Variants in TENM3 observed in about 807,000 individuals in gnomAD.
TENM3 encodes the protein teneurin transmembrane protein 3, also known as teneurin-3.
A neutral mutation model predicts 255.1 loss-of-function variants in TENM3; 63 were observed. That is an observed-to-expected ratio of 0.25 (90% confidence interval 0.20 to 0.30). The LOEUF is 0.30. Among genes scored for constraint, TENM3 ranks in the 10% least tolerant of loss-of-function variants. The probability of loss-of-function intolerance (pLI) is 1.00; values close to 1 mark genes in which losing one functional copy is unlikely to be tolerated. For missense variants in TENM3, 2,929 were observed against 3,461.1 expected, an observed-to-expected ratio of 0.85 and a Z score of 3.86; for synonymous variants, 1,306 against 1,322.3, an observed-to-expected ratio of 0.99 and a Z score of 0.27.
chr4:181,765,878 C>T, the TENM3 span, among the ~76,000 whole-genome samples: 1 of 152,142 alleles, frequency 6.6e-6, no homozygotes, highest in African/African-American at 2.4e-5. Context: ...GGAAGAGGCA[C>T]TAGTGTAATT....
rs1263644463 is a variant in TENM3 at position 182,674,138 on chromosome 4, A to ATTT, written c.1326+919_1326+920insTTT. ...GGATGAGCCTAAAGTTATATTCAAT[A>ATTT]ATCAGTTTATTTACCTAGAGAATTT... On this transcript the variant is annotated intron_variant, in intron 7 of 27. Transcript: ENST00000511685. Among the ~76,000 whole-genome samples the ATTT allele has an allele frequency of 5.9e-5, 9 of 152,318 alleles. No individual in the cohort carries two copies. The South Asian group carries it at 1.7e-3, about 28-fold the overall frequency.
At chr4:182,576,672 C>T (rs1481685133) in intron 3 of TENM3, among the ~76,000 whole-genome samples, 1 of 152,144 alleles carries the variant, frequency 6.6e-6, no homozygotes, top group Admixed American at 6.5e-5. Flanking sequence ...GAATCTGGCC[C>T]TGCATGTTTA....
intron 2 of TENM3, among the ~76,000 whole-genome samples, chr4:182,330,163 C>G (rs902725004): frequency 2.0e-5 from 3 of 152,062 alleles, no homozygotes; most frequent in Non-Finnish European, 4.4e-5. Context: ...ATGACTAAGG[C>G]CCCTATAACA....
chr4:181,477,830 G>T, the TENM3 span, among the ~76,000 whole-genome samples: 1 of 152,064 alleles, frequency 6.6e-6, no homozygotes, highest in African/African-American at 2.4e-5. Context: ...TCTGAATCAC[G>T]TGAATACTTA....
chr4:182,005,141 C>T, the TENM3 span, among the ~76,000 whole-genome samples: 1,431 of 152,218 alleles, frequency 9.4e-3, 27 homozygotes, highest in African/African-American at 0.033. Flanking sequence ...GAAGTCTTTG[C>T]CCATGCCTAT....
At chr4:182,099,935 C>A in the TENM3 span, among the ~76,000 whole-genome samples, 1 of 152,090 alleles carries the variant, frequency 6.6e-6, no homozygotes, top group African/African-American at 2.4e-5. Context: ...AACAATTGTA[C>A]CTTTAGAGCA....
At chr4:181,615,153 T>C in the TENM3 span, among the ~76,000 whole-genome samples, 1 of 152,292 alleles carries the variant, frequency 6.6e-6, no homozygotes, top group African/African-American at 2.4e-5. Flanking sequence ...GGTTCATCTG[T>C]AAGCTTTTAT....
intron 1 of TENM3, among the ~76,000 whole-genome samples, chr4:182,151,600 T>G (rs997089211): frequency 6.6e-6 from 1 of 151,998 alleles, no homozygotes; most frequent in African/African-American, 2.4e-5. Context: ...AACTTCCAGC[T>G]AAAGAAAGCT....
At chr4:182,508,404 A>G (rs1005516912) in intron 3 of TENM3, among the ~76,000 whole-genome samples, 23 of 152,242 alleles carry the variant, frequency 1.5e-4, no homozygotes, top group African/African-American at 5.3e-4. Flanking sequence ...TACGATAGTC[A>G]TAGATTAGGT....
chr4:181,598,370 C>T, the TENM3 span, among the ~76,000 whole-genome samples: 4 of 152,122 alleles, frequency 2.6e-5, no homozygotes, highest in African/African-American at 9.7e-5. Flanking sequence ...CTATCCTTCC[C>T]ACAACAGTGG....
the TENM3 span, among the ~76,000 whole-genome samples, chr4:181,981,742 G>A: frequency 2.0e-5 from 3 of 152,114 alleles, no homozygotes; most frequent in African/African-American, 4.8e-5. Context: ...CAATGAATAC[G>A]AAAAGTGGAA....
chr4:182,452,155 A>G (rs1773513984), intron 3 of TENM3, among the ~76,000 whole-genome samples: 2 of 152,236 alleles, frequency 1.3e-5, no homozygotes, highest in Admixed American at 1.3e-4. Flanking sequence ...ATTCTATCTT[A>G]TCATAGATGT....
intron 3 of TENM3, among the ~76,000 whole-genome samples, chr4:182,386,277 A>T (rs1025423601): frequency 6.6e-6 from 1 of 152,272 alleles, no homozygotes; most frequent in Non-Finnish European, 1.5e-5. Context: ...GGATTCTCAC[A>T]AAATGTCTGG....
chr4:181,672,390 T>C, the TENM3 span, among the ~76,000 whole-genome samples: 1 of 152,190 alleles, frequency 6.6e-6, no homozygotes, highest in South Asian at 2.1e-4. Context: ...AATTAACATT[T>C]ATTGGGTACC....
chr4:182,186,515 A>G (rs1753160595), intron 1 of TENM3, among the ~76,000 whole-genome samples: 1 of 151,396 alleles, frequency 6.6e-6, no homozygotes, highest in South Asian at 2.1e-4. Context: ...TAATAGGAGA[A>G]GATCACTTAC....
chr4:181,959,916 G>A, the TENM3 span, among the ~76,000 whole-genome samples: 3 of 152,150 alleles, frequency 2.0e-5, no homozygotes, highest in Non-Finnish European at 4.4e-5. Flanking sequence ...AGAGGCAGAA[G>A]CAACTAATGT....
chr4:181,992,311 A>T, the TENM3 span, among the ~76,000 whole-genome samples: 1 of 152,214 alleles, frequency 6.6e-6, no homozygotes, highest in Non-Finnish European at 1.5e-5. Flanking sequence ...TGAAAAAGCA[A>T]TAATGGATGC....
intron 1 of TENM3, among the ~76,000 whole-genome samples, chr4:182,205,997 C>T (rs773325524): frequency 6.0e-5 from 9 of 151,134 alleles, no homozygotes; most frequent in Non-Finnish European, 7.4e-5. Flanking sequence ...GGCCAAAAGA[C>T]GTGAAAGCAA....
intron 1 of TENM3, among the ~76,000 whole-genome samples, chr4:182,211,236 T>G (rs1755018978): frequency 6.6e-6 from 1 of 152,246 alleles, no homozygotes; most frequent in African/African-American, 2.4e-5. Flanking sequence ...GACGTGGCTC[T>G]TTCTTGTTCA....
Sources: allele counts gnomAD v4.1 joint callset (sites outside exome capture counted in the v4.1 genomes callset), GRCh38; gene constraint gnomAD v4.1.1; transcripts MANE v1.5; gene names NCBI Gene and HGNC (gene_info 2026-07-23, HGNC 2026-07-21).